The following GPC5 variants were observed in gnomAD, a reference collection of about 807,000 sequenced individuals.
GPC5 encodes glypican 5, also known as glypican-5.
In GPC5, 47 loss-of-function variants were observed where a neutral mutation model predicts 53.9. The observed-to-expected ratio is 0.87, with a 90% CI of 0.69 to 1.11. The LOEUF is 1.11. Ranked by LOEUF, GPC5 falls within the 50% of genes most tolerant of loss-of-function variation. The probability of loss-of-function intolerance (pLI) is 0.00; values close to 1 mark genes in which losing one functional copy is unlikely to be tolerated. For synonymous variants in GPC5, 286 were observed against 263.3 expected (o/e 1.09, Z -0.84); for missense variants, 748 against 713.1 (o/e 1.05, Z -0.56).
At chr13:92,131,175 G>C (rs553787065) in intron 6 of GPC5, among the ~76,000 whole-genome samples, 2 of 151,826 alleles carry the variant, frequency 1.3e-5, no homozygotes, top group African/African-American at 4.8e-5. Context: ...TAAAATGACC[G>C]ATAATATCAA....
At chr13:92,539,367 C>A (rs1381235524) in intron 7 of GPC5, among the ~76,000 whole-genome samples, 1 of 152,020 alleles carries the variant, frequency 6.6e-6, no homozygotes, top group Non-Finnish European at 1.5e-5. Context: ...GCCACTCTAA[C>A]TGGTTGAGAT....
intron 7 of GPC5, among the ~76,000 whole-genome samples, chr13:92,696,403 A>G (rs949260671): frequency 1.3e-5 from 2 of 152,168 alleles, no homozygotes; most frequent in Non-Finnish European, 2.9e-5. Context: ...CTGGCATGAG[A>G]TGGTATCTCA....
intron 6 of GPC5, among the ~76,000 whole-genome samples, chr13:91,950,956 T>C (rs1159595328): frequency 6.6e-6 from 1 of 152,152 alleles, no homozygotes; most frequent in East Asian, 1.9e-4. Flanking sequence ...CCACACCTAA[T>C]ACTATTTCTA....
intron 7 of GPC5, among the ~76,000 whole-genome samples, chr13:92,746,090 A>G (rs1889236065): frequency 6.6e-6 from 1 of 152,086 alleles, no homozygotes; most frequent in African/African-American, 2.4e-5. Context: ...AACCAGTCCA[A>G]CAAAACCTGT....
chr13:92,320,652 A>T (rs1339349014), intron 7 of GPC5, among the ~76,000 whole-genome samples: 1 of 152,184 alleles, frequency 6.6e-6, no homozygotes, highest in Non-Finnish European at 1.5e-5. Flanking sequence ...GGGAAAATAT[A>T]CTTTTGTCTA....
At chr13:91,430,780 C>T (rs1214940384) in intron 1 of GPC5, among the ~76,000 whole-genome samples, 3 of 152,098 alleles carry the variant, frequency 2.0e-5, no homozygotes, top group Admixed American at 6.6e-5. Flanking sequence ...TTTTTATTTG[C>T]AAGCATCTGG....
intron 7 of GPC5, among the ~76,000 whole-genome samples, chr13:92,810,491 G>A (rs926569599): frequency 5.3e-5 from 8 of 151,442 alleles, no homozygotes; most frequent in Non-Finnish European, 8.8e-5. Flanking sequence ...CAATTTAATG[G>A]CATTCATTAT....
At chr13:92,084,526 A>G (rs1016260039) in intron 6 of GPC5, among the ~76,000 whole-genome samples, 1 of 152,186 alleles carries the variant, frequency 6.6e-6, no homozygotes, top group African/African-American at 2.4e-5. Context: ...TCTTCAAAAT[A>G]TAACCAGGCT....
At chr13:92,691,916 T>G (rs1461050791) in intron 7 of GPC5, among the ~76,000 whole-genome samples, 3 of 152,110 alleles carry the variant, frequency 2.0e-5, no homozygotes, top group Non-Finnish European at 4.4e-5. Context: ...CATATACAGG[T>G]TTTTTACATG....
chr13:91,796,338 G>A (rs1302148949), intron 5 of GPC5, among the ~76,000 whole-genome samples: 1 of 152,180 alleles, frequency 6.6e-6, no homozygotes, highest in East Asian at 1.9e-4. Flanking sequence ...TGGAGGGTTG[G>A]AAGTCAAAAT....
intron 7 of GPC5, among the ~76,000 whole-genome samples, chr13:92,477,078 T>A (rs951716466): frequency 3.7e-5 from 5 of 134,974 alleles, no homozygotes; most frequent in African/African-American, 1.5e-4. Context: ...AATAAATAAA[T>A]AAAAAGAAAA....
chr13:91,747,415 A>G (rs2037073355), intron 4 of GPC5, among the ~76,000 whole-genome samples: 1 of 152,190 alleles, frequency 6.6e-6, no homozygotes, highest in Non-Finnish European at 1.5e-5. Context: ...CAGTAAGCTC[A>G]GGGCAAACAA....
intron 6 of GPC5, among the ~76,000 whole-genome samples, chr13:92,082,713 A>G (rs1262050249): frequency 6.6e-6 from 1 of 152,206 alleles, no homozygotes; most frequent in South Asian, 2.1e-4. Flanking sequence ...GAGTTTTATT[A>G]TTGAGCCATT....
In GPC5 at chr13:91,521,670, T is replaced by G. The variant is rs150360140; in HGVS notation, c.325+72748T>G. 3.7e-4 allele frequency among the ~76,000 whole-genome samples: 56 copies of G among 152,340 alleles called. 1 individual carries two copies. In the East Asian group the frequency reaches 0.011, roughly 29 times the overall value. On this transcript the variant is annotated intron_variant, in intron 2 of 7. Coordinates refer to ENST00000377067, the MANE Select transcript of GPC5 (RefSeq NM_004466.6). The stretch of plus-strand genomic sequence containing the variant: ...TCAACAGAAGAATTCTGCGATGAAA[T>G]GTGTGAGAGTTTTCCCACCAACAAG...
intron 6 of GPC5, among the ~76,000 whole-genome samples, chr13:92,041,148 G>A (rs368374929): frequency 2.0e-4 from 31 of 152,268 alleles, no homozygotes; most frequent in African/African-American, 7.2e-4. Flanking sequence ...CACCACACCC[G>A]ACTTTAACTC....
At chr13:91,852,249 TA>T (rs1156490928) in intron 5 of GPC5, among the ~76,000 whole-genome samples, 1 of 150,650 alleles carries the variant, frequency 6.6e-6, no homozygotes, top group African/African-American at 2.5e-5. Context: ...ATTATATTTT[TA>T]TGTTATTTTG....
At chr13:91,856,593 G>T (rs1328547650) in intron 5 of GPC5, among the ~76,000 whole-genome samples, 1 of 151,028 alleles carries the variant, frequency 6.6e-6, no homozygotes, top group East Asian at 1.9e-4. Context: ...TTGGCCATTC[G>T]TATATCTTTT....
chr13:91,585,507 C>T (rs1423892678), intron 2 of GPC5, among the ~76,000 whole-genome samples: 12 of 152,214 alleles, frequency 7.9e-5, no homozygotes, highest in Non-Finnish European at 1.5e-4. Context: ...TGAATCTTAC[C>T]ATCATGATGA....
chr13:91,638,077 G>A (rs74104905), intron 2 of GPC5, among the ~76,000 whole-genome samples: 7,374 of 152,242 alleles, frequency 0.048, 230 homozygotes, highest in African/African-American at 0.073. Context: ...AAACAGCAAG[G>A]CCCAGAAGCA....
Sources: gnomAD v4.1 joint callset for allele counts (sites outside exome capture counted in the v4.1 genomes callset) on GRCh38, gnomAD v4.1.1 for gene constraint, MANE v1.5 for transcripts, NCBI Gene and HGNC (gene_info 2026-07-23, HGNC 2026-07-21) for gene names.